The following ARHGEF10L variants were observed in gnomAD, a reference collection of about 807,000 sequenced individuals.
The protein encoded by ARHGEF10L is rho guanine nucleotide exchange factor 10-like protein.
In ARHGEF10L, 69 loss-of-function variants were observed where a neutral mutation model predicts 141.2. The observed-to-expected ratio is 0.49, with a 90% CI of 0.40 to 0.60. The LOEUF (loss-of-function observed/expected upper bound fraction) is 0.60. Ranked by LOEUF, ARHGEF10L falls within the 20% of genes least tolerant of loss-of-function variation. The probability of loss-of-function intolerance (pLI) is 0.00; values close to 1 mark genes in which losing one functional copy is unlikely to be tolerated. For synonymous variants in ARHGEF10L, 711 were observed against 718.5 expected, an observed-to-expected ratio of 0.99 and a Z score of 0.17; for missense variants, 1,482 against 1,734.3, an observed-to-expected ratio of 0.85 and a Z score of 2.58.
intron 25 of ARHGEF10L, among the ~76,000 whole-genome samples, chr1:17,657,221 C>T (rs572065491): frequency 7.2e-5 from 11 of 152,292 alleles, no homozygotes; most frequent in African/African-American, 2.6e-4. Context: ...GTTACGATGT[C>T]AGGAGGGCAG....
intron 19 of ARHGEF10L, 92 bp from the exon 20 acceptor site, chr1:17,638,470 C>A: frequency 6.4e-7 from 1 of 1,556,292 alleles, no homozygotes; most frequent in Non-Finnish European, 8.7e-7. Context: ...AGTTTCTCTT[C>A]CTCTGGGGTG....
intron 6 of ARHGEF10L, among the ~76,000 whole-genome samples, chr1:17,606,474 A>G (rs1463685810): frequency 6.6e-6 from 1 of 151,712 alleles, no homozygotes; most frequent in African/African-American, 2.4e-5. Flanking sequence ...TTGTATTTTT[A>G]GTAGAGATGG....
At chr1:17,692,058 C>T (rs911836736) in intron 27 of ARHGEF10L, among the ~76,000 whole-genome samples, 2 of 152,214 alleles carry the variant, frequency 1.3e-5, no homozygotes, top group Non-Finnish European at 2.9e-5. Context: ...GGGCTCATGG[C>T]CTGAGCCTCC....
chr1:17,515,727 A>G, the ARHGEF10L span, among the ~76,000 whole-genome samples: 1 of 150,170 alleles, frequency 6.7e-6, no homozygotes, highest in Non-Finnish European at 1.5e-5. Context: ...ATTGCAACCT[A>G]TGCCTCCTGG....
chr1:17,618,459 C>T (rs558404593), intron 9 of ARHGEF10L: 1 of 1,479,996 alleles, frequency 6.8e-7, no homozygotes. Flanking sequence ...GGGTCTGCAC[C>T]ACCCCCACCC....
Position 17,593,772 on chromosome 1 carries a change from G to A in ARHGEF10L, c.257+5293G>A, listed in dbSNP as rs566636079. ...TGTGTTGTAAGTCACTAAGTTCGTG[G>A]TCATCTGTTACAGCAGCCATAGGAA... On this transcript the variant is annotated intron_variant, in intron 4 of 28. Transcript: ENST00000361221. 5.3e-5 allele frequency among the ~76,000 whole-genome samples: 8 copies of A among 152,096 alleles called. No homozygotes were observed. In the South Asian group the frequency reaches 1.7e-3, roughly 32 times the overall value.
chr1:17,647,084 C>A lies in ARHGEF10L; in HGVS notation c.2273-1470C>A, dbSNP rs568377625. Reference sequence around the variant, plus strand: ...TGGCGCCTCCTAGGGGAGGGGCAGGCTCCGGCTGCCTGCGACAGAGCTACT... The same window carrying A: ...TGGCGCCTCCTAGGGGAGGGGCAGGATCCGGCTGCCTGCGACAGAGCTACT... On this transcript the variant is annotated intron_variant, in intron 21 of 28. Transcript: ENST00000361221. Among the ~76,000 whole-genome samples the A allele has an allele frequency of 9.2e-5, 14 of 152,172 alleles. No individual in the cohort carries two copies. The East Asian group carries it at 2.5e-3, about 27-fold the overall frequency.
chr1:17,672,096 C>T (rs2063356362), intron 26 of ARHGEF10L, among the ~76,000 whole-genome samples: 1 of 152,166 alleles, frequency 6.6e-6, no homozygotes, highest in Non-Finnish European at 1.5e-5. Context: ...ACTGGCCTCT[C>T]ATACCGGCTC....
the ARHGEF10L span, among the ~76,000 whole-genome samples, chr1:17,523,765 C>G: frequency 6.6e-6 from 1 of 152,138 alleles, no homozygotes; most frequent in African/African-American, 2.4e-5. Context: ...CTTTACAGGA[C>G]ATTAAACAAG....
Position 17,539,769 on chromosome 1 carries a change from C to A in ARHGEF10L, c.-225C>A, listed in dbSNP as rs1275207871. ...GGGCGCGGGCGCAGTCCCGGCGGGCCCGGACCTCGCGGGCGGGCGGGCGGC... is the reference window on the plus strand; with the variant it reads ...GGGCGCGGGCGCAGTCCCGGCGGGCACGGACCTCGCGGGCGGGCGGGCGGC... On this transcript the variant is annotated 5_prime_UTR_variant, in exon 1 of 29. Coordinates refer to ENST00000361221, the MANE Select transcript of ARHGEF10L (RefSeq NM_018125.4). The surrounding 1 kb of genome is among the most constrained non-coding windows in gnomAD (Gnocchi z 6.0). The A allele has an allele frequency of 1.4e-5, 2 of 146,222 alleles. No individual in the cohort carries two copies. The highest frequency in any genetic ancestry group is 2.0e-4 in the East Asian group (1 of 4,980). 9.1% of individuals were successfully genotyped at this position (146,222 alleles called of 1,614,324 possible).
At chr1:17,549,744 CT>C (rs2077044497) in intron 1 of ARHGEF10L, among the ~76,000 whole-genome samples, 1 of 152,158 alleles carries the variant, frequency 6.6e-6, no homozygotes, top group Admixed American at 6.5e-5. Flanking sequence ...CCATAAATAC[CT>C]TTACTAATGA....
rs180725008 is a variant in ARHGEF10L at position 17,643,445 on chromosome 1, G to A, written c.2272+3143G>A. On this transcript the variant is annotated intron_variant, in intron 21 of 28. Transcript: ENST00000361221. Reference sequence around the variant, plus strand: ...CCACCACCACGCCTTGTGGTCCTGGGAAAGGCAGACTCCATCCTGAGACCC... The same window carrying A: ...CCACCACCACGCCTTGTGGTCCTGGAAAAGGCAGACTCCATCCTGAGACCC... Among the ~76,000 whole-genome samples, 494 of 152,270 alleles carry A rather than the reference G, an allele frequency of 3.2e-3. 4 individuals carry two copies. Among genetic ancestry groups the A allele is most frequent in the Non-Finnish European group, 5.2e-3 (353 of 68,020 alleles).
At chr1:17,672,099 A>G (rs2063356670) in intron 26 of ARHGEF10L, among the ~76,000 whole-genome samples, 1 of 152,018 alleles carries the variant, frequency 6.6e-6, no homozygotes, top group Admixed American at 6.6e-5. Flanking sequence ...GGCCTCTCAT[A>G]CCGGCTCTCA....
chr1:17,514,095 AT>A, the ARHGEF10L span, among the ~76,000 whole-genome samples: 1 of 118,698 alleles, frequency 8.4e-6, no homozygotes. Flanking sequence ...AAGTGCTGGG[AT>A]TACAGGTGTG....
chr1:17,657,549 G>A (rs1220824208), intron 25 of ARHGEF10L, among the ~76,000 whole-genome samples: 4 of 152,174 alleles, frequency 2.6e-5, no homozygotes, highest in African/African-American at 9.7e-5. Flanking sequence ...CGCCAGCCAG[G>A]CTGTGATTGC....
At chr1:17,694,975 C>T (rs1006014014) in intron 27 of ARHGEF10L, 183 bp from the exon 28 acceptor site, 1 of 834,482 alleles carries the variant, frequency 1.2e-6, no homozygotes, top group Non-Finnish European at 2.0e-6. Context: ...AGCTGCAGGA[C>T]CTCGTGGCCA....
chr1:17,613,566 C>CAT (rs1446065260), intron 8 of ARHGEF10L, among the ~76,000 whole-genome samples: 3 of 152,196 alleles, frequency 2.0e-5, no homozygotes, highest in African/African-American at 7.2e-5. Flanking sequence ...GGAATCTGCA[C>CAT]ATTTCATAAT....
At chr1:17,637,271 C>T (rs938054462) in intron 18 of ARHGEF10L, among the ~76,000 whole-genome samples, 3 of 152,308 alleles carry the variant, frequency 2.0e-5, no homozygotes, top group South Asian at 2.1e-4. Flanking sequence ...CCTTTGCACA[C>T]GCTCTTGTCT....
At position 17,656,763 on chromosome 1, in the gene ARHGEF10L, C is replaced by T; in HGVS notation, c.2860+55C>T. 1 of 1,566,100 alleles carries T rather than the reference C, an allele frequency of 6.4e-7. No individual in the cohort carries two copies. The highest frequency in any genetic ancestry group is 8.7e-7 in the Non-Finnish European group (1 of 1,150,406). ...GGCAGTCCTGGATGCCAGCTGGGTG[C>T]CAGATTCTCTACCAAGAGAGGATAC... On this transcript the variant is annotated intron_variant, in intron 25 of 28. Coordinates refer to ENST00000361221, the MANE Select transcript of ARHGEF10L (RefSeq NM_018125.4). This position sits in a 1 kb window ranked among gnomAD's most constrained non-coding sequence, Gnocchi z 4.9.
Sources: allele counts gnomAD v4.1 joint callset (sites outside exome capture counted in the v4.1 genomes callset), GRCh38; gene constraint gnomAD v4.1.1; non-coding constraint Gnocchi (gnomAD v3.1); transcripts MANE v1.5; gene names NCBI Gene and HGNC (gene_info 2026-07-23, HGNC 2026-07-21).